BRWD1: variants seen among roughly 807,000 people sequenced by gnomAD.
BRWD1 encodes bromodomain and WD repeat domain containing 1, also known as bromodomain and WD repeat-containing protein 1.
A neutral mutation model predicts 251.2 loss-of-function variants in BRWD1; 82 were observed. The observed-to-expected ratio is 0.33, with a 90% confidence interval of 0.27 to 0.39. The LOEUF is 0.39. Among genes scored for constraint, BRWD1 ranks in the 10% least tolerant of loss-of-function variants. The probability of loss-of-function intolerance (pLI) is 1.00; values close to 1 mark genes in which losing one functional copy is unlikely to be tolerated. For missense variants in BRWD1, 2,233 were observed against 2,711.6 expected (o/e 0.82, Z 3.92); for synonymous variants, 918 against 902.8 (o/e 1.02, Z -0.30).
In BRWD1 at chr21:39,313,532, G is replaced by A. The variant is rs894768580; in HGVS notation, c.-41C>T. ...GGGAGGCGGGAGCGAGCGAGCGAGC[G>A]GAGCGTGTAGGCCGCGCCGAGGCCT... On this transcript the variant is annotated 5_prime_UTR_variant, in exon 1 of 41. Transcript: ENST00000342449. 119 of 1,323,992 alleles carry A rather than the reference G, an allele frequency of 9.0e-5. 1 individual carries two copies. Among genetic ancestry groups the A allele is most frequent in the Non-Finnish European group, 1.1e-4 (116 of 1,042,806 alleles). 82.0% of individuals were successfully genotyped at this position (1,323,992 alleles called of 1,614,324 possible).
Position 39,187,496 on chromosome 21 carries a change from ACACT to A in BRWD1, c.*8759_*8762del. On this transcript the variant is annotated 3_prime_UTR_variant, in exon 41 of 41. Coordinates refer to ENST00000342449, the MANE Select transcript of BRWD1 (RefSeq NM_033656.4). ...TTACTACTGCTAACATTCCTCAACA[ACACT>A]CATTCGGAAACAATAAATTTAAAAG... 6.8e-7 allele frequency: 1 copy of A among 1,470,586 alleles called. No homozygotes were observed. The highest frequency in any genetic ancestry group is 1.5e-5 in the South Asian group (1 of 67,342). 91.1% of individuals were successfully genotyped at this position (1,470,586 alleles called of 1,614,324 possible).
chr21:39,254,456 T>C (rs1200363978), intron 19 of BRWD1, among the ~76,000 whole-genome samples: 1 of 152,188 alleles, frequency 6.6e-6, no homozygotes, highest in Non-Finnish European at 1.5e-5. Context: ...AGAAAAGAGA[T>C]GATTTAAACA....
intron 18 of BRWD1, among the ~76,000 whole-genome samples, chr21:39,256,283 A>C (rs371306907): frequency 6.6e-6 from 1 of 152,260 alleles, no homozygotes; most frequent in East Asian, 1.9e-4. Flanking sequence ...TAAAAATTGC[A>C]CACTAAAAAA....
At position 39,191,425 on chromosome 21, in the gene BRWD1, C is replaced by T. The variant is rs2031548985; in HGVS notation, c.*4834G>A. ...TTTGTTTTGTTTTTTAACTCTTTTGCTTGTTAAGATGAAAATGCTAAATTT... is the reference window on the plus strand; with the variant it reads ...TTTGTTTTGTTTTTTAACTCTTTTGTTTGTTAAGATGAAAATGCTAAATTT... On this transcript the variant is annotated 3_prime_UTR_variant, in exon 41 of 41. Coordinates refer to ENST00000342449, the MANE Select transcript of BRWD1 (RefSeq NM_033656.4). 1 of 984,762 alleles carries T rather than the reference C, an allele frequency of 1.0e-6. No individual in the cohort carries two copies. Among genetic ancestry groups the T allele is most frequent in the Non-Finnish European group, 1.2e-6 (1 of 829,570 alleles). 61.0% of individuals were successfully genotyped at this position (984,762 alleles called of 1,614,324 possible). A position where few individuals can be genotyped will look rare whatever the true frequency, so the allele number is the denominator to read the frequency against.
In BRWD1 at chr21:39,313,593, C is replaced by T. The variant is rs2036599148; in HGVS notation, c.-102G>A. On this transcript the variant is annotated 5_prime_UTR_variant, in exon 1 of 41. Coordinates refer to ENST00000342449, the MANE Select transcript of BRWD1 (RefSeq NM_033656.4). ...GCGTCCCCTCTTCTCAGGCGCGCGC[C>T]GCCGCCGCCGCCGCCGCCGCCATAC... 2.9e-6 allele frequency: 2 copies of T among 681,450 alleles called. No individual in the cohort carries two copies. The highest frequency in any genetic ancestry group is 5.2e-5 in the South Asian group (1 of 19,054). The allele number at this position is 681,450 out of a possible 1,614,324, so 42.2% of individuals were successfully genotyped here.
At chr21:39,251,672 A>AT (rs908323966) in intron 19 of BRWD1, among the ~76,000 whole-genome samples, 2 of 152,212 alleles carry the variant, frequency 1.3e-5, no homozygotes, top group African/African-American at 4.8e-5. Context: ...GTAGAACATT[A>AT]TTTTATCCAG....
At chr21:39,293,217 C>G (rs931473212) in intron 8 of BRWD1, among the ~76,000 whole-genome samples, 17 of 151,924 alleles carry the variant, frequency 1.1e-4, no homozygotes, top group African/African-American at 3.9e-4. Flanking sequence ...ATCAACTAAG[C>G]GGCACGGTGG....
intron 8 of BRWD1, among the ~76,000 whole-genome samples, chr21:39,289,762 C>T (rs972214935): frequency 9.2e-5 from 14 of 151,996 alleles, no homozygotes; most frequent in Admixed American, 8.5e-4. Flanking sequence ...CGGTGGCTCA[C>T]GCCTGTAATC....
intron 13 of BRWD1, among the ~76,000 whole-genome samples, chr21:39,272,260 A>G (rs1048453392): frequency 6.7e-6 from 1 of 149,964 alleles, no homozygotes; most frequent in Non-Finnish European, 1.5e-5. Flanking sequence ...ATGTATACAT[A>G]TGTAACTAAC....
At position 39,234,879 on chromosome 21, in the gene BRWD1, C is replaced by T. The variant is rs1336819706; in HGVS notation, c.2766+1716G>A. 2.6e-5 allele frequency among the ~76,000 whole-genome samples: 4 copies of T among 152,160 alleles called. No homozygotes were observed. In the East Asian group the frequency reaches 5.8e-4, roughly 22 times the overall value. ...TATCAAGAGGGAGCAGTATGGAGTA[C>T]AGAAACAGCATGAACCAAAATCTCA... On this transcript the variant is annotated intron_variant, in intron 23 of 40. Coordinates refer to ENST00000342449, the MANE Select transcript of BRWD1 (RefSeq NM_033656.4).
At position 39,202,535 on chromosome 21, in the gene BRWD1, G is replaced by A; in HGVS notation, c.4375C>T (p.Pro1459Ser). 6.2e-7 allele frequency: 1 copy of A among 1,607,704 alleles called. No individual in the cohort carries two copies. The highest frequency in any genetic ancestry group is 1.3e-5 in the African/African-American group (1 of 74,918). ...QPNKSIRNLK[P>S]KRLKSQTKII... is the part of the protein sequence containing the mutation. ...TTTGTCTGAGATTTTAACCTCTTCG[G>A]CTTGAGGTTTCTGGCCAAACATATG... Residue 1459 changes from proline to serine, a missense_variant, in exon 38 of 41, where the codon CCG becomes TCG. By Grantham distance (74) the Pro-to-Ser change is moderately conservative. Coordinates refer to ENST00000342449, the MANE Select transcript of BRWD1 (RefSeq NM_033656.4).
At chr21:39,221,985 C>CA (rs1303795026) in intron 29 of BRWD1, among the ~76,000 whole-genome samples, 3 of 151,728 alleles carry the variant, frequency 2.0e-5, no homozygotes, top group Non-Finnish European at 4.4e-5. Flanking sequence ...AAAAAATGTT[C>CA]AGTATCATTA....
At chr21:39,238,203 A>G (rs2033876346) in intron 22 of BRWD1, among the ~76,000 whole-genome samples, 1 of 151,602 alleles carries the variant, frequency 6.6e-6, no homozygotes, top group South Asian at 2.1e-4. Flanking sequence ...TACTTTAGAT[A>G]CTAGTCTTTT....
chr21:39,224,604 T>G, intron 28 of BRWD1, 135 bp from the exon 29 acceptor site: 1 of 581,442 alleles, frequency 1.7e-6, no homozygotes, highest in Non-Finnish European at 3.0e-6. Flanking sequence ...AACAGTAAAT[T>G]TTTTTAAGAA....
At chr21:39,263,891 A>G (rs1601413447) in intron 17 of BRWD1, among the ~76,000 whole-genome samples, 1 of 152,230 alleles carries the variant, frequency 6.6e-6, no homozygotes, top group African/African-American at 2.4e-5. Context: ...AGTATGCTCT[A>G]TTAAGACTAG....
intron 5 of BRWD1, chr21:39,296,704 G>A: frequency 2.3e-6 from 2 of 856,792 alleles, no homozygotes; most frequent in Admixed American, 6.8e-5. Flanking sequence ...AAGGTTCCAG[G>A]ACCTTTAAAG....
In BRWD1 at chr21:39,196,831, T is replaced by C; in HGVS notation, c.6238A>G (p.Thr2080Ala). The change falls in exon 41 of 41, where the codon ACT (threonine) becomes GCT (alanine). Residue 2080 changes from threonine to alanine, a missense_variant. By Grantham distance (58) the Thr-to-Ala change is moderately conservative. Coordinates refer to ENST00000342449, the MANE Select transcript of BRWD1 (RefSeq NM_033656.4). ...TCCACTTCAAAATTATTCTCTGCAG[T>C]AGCTTTTTGTGCCAAGGTTGACTCT... is the stretch of plus-strand genomic sequence containing the variant. The part of the protein sequence containing the change: ...SSESTLAQKA[T>A]AENNFEVELN... The C allele has an allele frequency of 6.2e-7, 1 of 1,613,584 alleles. No individual in the cohort carries two copies.
chr21:39,249,535 A>C (rs898808234), intron 20 of BRWD1, among the ~76,000 whole-genome samples: 1 of 152,202 alleles, frequency 6.6e-6, no homozygotes, highest in Non-Finnish European at 1.5e-5. Context: ...TTTTTTTAAA[A>C]GGCATGCCAT....
rs755205459 is a variant in BRWD1 at position 39,226,352 on chromosome 21, G to A, written c.3209-1155C>T. 7.9e-5 allele frequency among the ~76,000 whole-genome samples: 12 copies of A among 151,930 alleles called. 1 individual carries two copies. Among genetic ancestry groups the A allele is most frequent in the South Asian group, 6.2e-4 (3 of 4,830 alleles). On this transcript the variant is annotated intron_variant, in intron 27 of 40. Coordinates refer to ENST00000342449, the MANE Select transcript of BRWD1 (RefSeq NM_033656.4). Reference sequence around the variant, plus strand: ...TCTTGCCATACTACTCAAATTCCACGCAAAAATGGGGAAGCAAAATGAATT... The same window carrying A: ...TCTTGCCATACTACTCAAATTCCACACAAAAATGGGGAAGCAAAATGAATT...
Sources: gnomAD v4.1 joint callset for allele counts (sites outside exome capture counted in the v4.1 genomes callset) on GRCh38, gnomAD v4.1.1 for gene constraint, MANE v1.5 for transcripts, NCBI Gene and HGNC (gene_info 2026-07-23, HGNC 2026-07-21) for gene names.